UBAC2: variants seen among roughly 807,000 people sequenced by gnomAD.
The protein encoded by UBAC2 is ubiquitin-associated domain-containing protein 2.
A neutral mutation model predicts 44.0 loss-of-function variants in UBAC2; 26 were observed. That is an observed-to-expected ratio of 0.59 (90% CI 0.43 to 0.82). The LOEUF is 0.82. UBAC2 is among the 40% of genes least tolerant of loss of function. The pLI is 0.00. For missense variants in UBAC2, 329 were observed against 419.4 expected, an observed-to-expected ratio of 0.78 and a Z score of 1.88; for synonymous variants, 155 against 154.3, an observed-to-expected ratio of 1.00 and a Z score of -0.04.
At position 99,386,039 on chromosome 13, in the gene UBAC2, G is replaced by A. The variant is rs61974230; in HGVS notation, c.*704G>A. 4,656 of 152,446 alleles carry A rather than the reference G, an allele frequency of 0.031. 95 individuals are homozygous for A. The highest frequency in any genetic ancestry group is 0.13 in the Middle Eastern group (38 of 296). 9.4% of individuals were successfully genotyped at this position (152,446 alleles called of 1,614,324 possible). A position where few individuals can be genotyped will look rare whatever the true frequency, so the allele number is the denominator to read the frequency against. Reference sequence around the variant, plus strand: ...GAGAAGAACAACAGCAGGCTTCCTGGAGCCACATGGGCTGACTAGGGCACT... The same window carrying A: ...GAGAAGAACAACAGCAGGCTTCCTGAAGCCACATGGGCTGACTAGGGCACT... On this transcript the variant is annotated 3_prime_UTR_variant, in exon 9 of 9. Transcript: ENST00000403766.
chr13:99,201,021 C>T (rs1326015026), intron 1 of UBAC2, 82 bp downstream of exon 1: 1 of 1,295,326 alleles, frequency 7.7e-7, no homozygotes, highest in South Asian at 2.9e-5. Flanking sequence ...GCAGCGGGGA[C>T]CCTCGGGTTT....
chr13:99,238,584 G>A (rs762738895), intron 2 of UBAC2, 30 bp downstream of exon 2: 23 of 1,519,348 alleles, frequency 1.5e-5, no homozygotes, highest in African/African-American at 4.2e-5. Flanking sequence ...CCCCTGAGAG[G>A]AGAGCGGACA....
At chr13:99,225,260 C>A (rs1035793643) in intron 1 of UBAC2, among the ~76,000 whole-genome samples, 4 of 152,192 alleles carry the variant, frequency 2.6e-5, no homozygotes, top group Non-Finnish European at 5.9e-5. Context: ...TCTCATCTTG[C>A]AGAAATGAAA....
intron 1 of UBAC2, among the ~76,000 whole-genome samples, chr13:99,216,742 T>A (rs1173395487): frequency 6.6e-6 from 1 of 152,210 alleles, no homozygotes; most frequent in Non-Finnish European, 1.5e-5. Context: ...GGCGGGAACG[T>A]GGACAGGTGT....
At chr13:99,221,595 C>G (rs2043052614) in intron 1 of UBAC2, among the ~76,000 whole-genome samples, 1 of 152,028 alleles carries the variant, frequency 6.6e-6, no homozygotes, top group African/African-American at 2.4e-5. Context: ...GTTTTTTGTT[C>G]CTATTTCTGT....
intron 7 of UBAC2, among the ~76,000 whole-genome samples, chr13:99,359,600 C>T (rs1278432928): frequency 6.6e-6 from 1 of 152,182 alleles, no homozygotes; most frequent in Non-Finnish European, 1.5e-5. Context: ...ATACTGGTCC[C>T]CTCCCCGCTT....
chr13:99,244,390 T>C, intron 3 of UBAC2, 125 bp from the exon 4 acceptor site: 1 of 614,272 alleles, frequency 1.6e-6, no homozygotes, highest in South Asian at 2.2e-5. Context: ...CACATATGCA[T>C]GTGTGTATAT....
intron 1 of UBAC2, among the ~76,000 whole-genome samples, chr13:99,214,099 G>A (rs1464668013): frequency 2.0e-5 from 3 of 152,178 alleles, no homozygotes; most frequent in Admixed American, 6.5e-5. Context: ...GATTACAGGC[G>A]TGAGCCACCG....
In UBAC2 at chr13:99,242,627, G is replaced by GA. The variant is rs1276133176; in HGVS notation, c.160-1205_160-1204insA. 1.1e-3 allele frequency among the ~76,000 whole-genome samples: 140 copies of GA among 132,218 alleles called. 3 individuals carry two copies. Among genetic ancestry groups the GA allele is most frequent in the Admixed American group, 1.8e-3 (25 of 13,810 alleles). The allele number at this position is 132,218 out of a possible 152,430, so 86.7% of individuals were successfully genotyped here. ...TCCCAGACGGGGTGGCTGGCCAGGC[G>GA]GGGGGCTGACCCCCCCACCTCCCTC... is the stretch of plus-strand genomic sequence containing the variant. On this transcript the variant is annotated intron_variant, in intron 2 of 8. Transcript: ENST00000403766.
At chr13:99,341,604 T>C (rs1312057889) in intron 7 of UBAC2, among the ~76,000 whole-genome samples, 1 of 151,420 alleles carries the variant, frequency 6.6e-6, no homozygotes, top group Non-Finnish European at 1.5e-5. Context: ...GCTACATATA[T>C]ATATAGGTGA....
chr13:99,229,171 A>G (rs886310183), intron 1 of UBAC2, among the ~76,000 whole-genome samples: 17 of 152,208 alleles, frequency 1.1e-4, no homozygotes, highest in Non-Finnish European at 1.6e-4. Context: ...GCAAAACTGT[A>G]CAAACCCTGG....
intron 7 of UBAC2, among the ~76,000 whole-genome samples, chr13:99,346,794 G>A (rs1335932427): frequency 2.6e-5 from 4 of 152,196 alleles, no homozygotes; most frequent in Non-Finnish European, 5.9e-5. Flanking sequence ...ATGTTCACTG[G>A]TGATTTACTG....
chr13:99,317,934 TG>T, intron 5 of UBAC2, 87 bp from the exon 6 acceptor site: 2 of 1,018,734 alleles, frequency 2.0e-6, no homozygotes, highest in Non-Finnish European at 1.5e-6. Context: ...TTTATATAAA[TG>T]GTCATGACTA....
intron 8 of UBAC2, among the ~76,000 whole-genome samples, chr13:99,370,689 A>C (rs2045393946): frequency 6.6e-6 from 1 of 152,204 alleles, no homozygotes; most frequent in Non-Finnish European, 1.5e-5. Flanking sequence ...CCCATGGGTA[A>C]GGCTGTGACA....
chr13:99,377,432 A>T (rs917654204), intron 8 of UBAC2: 3 of 152,162 alleles, frequency 2.0e-5, no homozygotes, highest in African/African-American at 7.2e-5. Flanking sequence ...GATGCTTCTC[A>T]TCCCAGTAGC....
chr13:99,205,397 C>A (rs1319251409), intron 1 of UBAC2, among the ~76,000 whole-genome samples: 1 of 152,132 alleles, frequency 6.6e-6, no homozygotes, highest in Admixed American at 6.5e-5. Context: ...TACTCTTGGT[C>A]ACGGAGCGGT....
At chr13:99,294,703 C>A in intron 4 of UBAC2, 1 of 166,028 alleles carries the variant, frequency 6.0e-6, no homozygotes, top group Non-Finnish European at 1.3e-5. Flanking sequence ...ACAGTATTAA[C>A]ATCTGGCAAT....
intron 1 of UBAC2, among the ~76,000 whole-genome samples, chr13:99,226,070 T>A (rs983443122): frequency 2.0e-5 from 3 of 152,194 alleles, no homozygotes; most frequent in Non-Finnish European, 4.4e-5. Context: ...AAGGAGGCAG[T>A]ATGTTGATTC....
chr13:99,317,252 C>G (rs9557199), intron 5 of UBAC2, among the ~76,000 whole-genome samples: 1 of 152,154 alleles, frequency 6.6e-6, no homozygotes, highest in South Asian at 2.1e-4. Context: ...CCTCTTCTTC[C>G]ACAATCAGAA....
Sources: gnomAD v4.1 joint callset for allele counts (sites outside exome capture counted in the v4.1 genomes callset) on GRCh38, gnomAD v4.1.1 for gene constraint, MANE v1.5 for transcripts, NCBI Gene and HGNC (gene_info 2026-07-23, HGNC 2026-07-21) for gene names.